PDE3A: variants seen among roughly 807,000 people sequenced by gnomAD.
PDE3A encodes the protein cGMP-inhibited 3',5'-cyclic phosphodiesterase 3A.
Under a neutral mutation model 98.3 loss-of-function variants are expected in PDE3A, and 43 were observed. That is an observed-to-expected ratio of 0.44 (90% confidence interval 0.34 to 0.56). The LOEUF (loss-of-function observed/expected upper bound fraction) is 0.56, where lower values mean the gene tolerates loss of function less well. Among genes scored for constraint, PDE3A ranks in the 20% least tolerant of loss-of-function variants. PDE3A has a pLI of 0.01. For missense variants in PDE3A, 1,427 were observed against 1,440.7 expected (o/e 0.99, Z 0.15); for synonymous variants, 663 against 567.9 (o/e 1.17, Z -2.38).
intron 1 of PDE3A, among the ~76,000 whole-genome samples, chr12:20,477,379 A>G (rs1180309846): frequency 6.6e-6 from 1 of 152,176 alleles, no homozygotes; most frequent in Non-Finnish European, 1.5e-5. Context: ...TATGCCCCTA[A>G]TTATCCTGAG....
chr12:20,574,824 A>T (rs1347435578), intron 2 of PDE3A, among the ~76,000 whole-genome samples: 1 of 152,004 alleles, frequency 6.6e-6, no homozygotes, highest in Non-Finnish European at 1.5e-5. Flanking sequence ...TTTTTCTCCC[A>T]CAAACGGCAA....
chr12:20,594,495 A>G (rs1219117916), intron 2 of PDE3A, among the ~76,000 whole-genome samples: 1 of 151,768 alleles, frequency 6.6e-6, no homozygotes, highest in Admixed American at 6.6e-5. Flanking sequence ...GCCAAGAAGA[A>G]CTGGAGAAAA....
intron 2 of PDE3A, among the ~76,000 whole-genome samples, chr12:20,562,395 T>G (rs1942548792): frequency 6.6e-6 from 1 of 151,982 alleles, no homozygotes; most frequent in East Asian, 1.9e-4. Context: ...AATTTTTGTG[T>G]TTTTAATAGA....
intron 2 of PDE3A, among the ~76,000 whole-genome samples, chr12:20,590,034 C>T (rs1218937106): frequency 6.6e-6 from 1 of 152,038 alleles, no homozygotes; most frequent in African/African-American, 2.4e-5. Flanking sequence ...CAACGTATTA[C>T]ATGGATGTGA....
intron 1 of PDE3A, among the ~76,000 whole-genome samples, chr12:20,477,070 T>G: frequency 6.6e-6 from 1 of 152,264 alleles, no homozygotes; most frequent in Admixed American, 6.5e-5. Context: ...TTCTATCTAC[T>G]TTTATATACT....
rs190367821 is a variant in PDE3A at position 20,483,855 on chromosome 12, C to T, written c.961-72805C>T. 2.5e-3 allele frequency among the ~76,000 whole-genome samples: 376 copies of T among 152,132 alleles called. 1 individual carries two copies. Among genetic ancestry groups the T allele is most frequent in the Non-Finnish European group, 4.0e-3 (273 of 67,982 alleles). ...TTTATCTTCCAGATAAAATTATGAG[C>T]GCAGATGTATAGACATTTAAAATGT... On this transcript the variant is annotated intron_variant, in intron 1 of 15. Coordinates refer to ENST00000359062, the MANE Select transcript of PDE3A (RefSeq NM_000921.5).
At chr12:20,577,366 C>T (rs572798610) in intron 2 of PDE3A, among the ~76,000 whole-genome samples, 60 of 152,170 alleles carry the variant, frequency 3.9e-4, no homozygotes, top group African/African-American at 1.4e-3. Context: ...CTGCTAAGGA[C>T]CTGGGAATTC....
rs11612411 is a variant in PDE3A, at chr12:20,668,054, G to T, written c.3185-11976G>T. On this transcript the variant is annotated intron_variant, in intron 15 of 15. Transcript: ENST00000359062. The stretch of plus-strand genomic sequence containing the variant: ...CACTTGGGAAACGCAAGGGGTCAGG[G>T]AGTTCCCTTTCCCAGTCAAAGAAAG... Among the ~76,000 whole-genome samples, 552 of 152,314 alleles carry T rather than the reference G, an allele frequency of 3.6e-3. 3 individuals are homozygous for T. Among genetic ancestry groups the T allele is most frequent in the Non-Finnish European group, 5.0e-3 (342 of 68,030 alleles).
chr12:20,475,880 C>T (rs1013193673), intron 1 of PDE3A, among the ~76,000 whole-genome samples: 1 of 152,176 alleles, frequency 6.6e-6, no homozygotes, highest in African/African-American at 2.4e-5. Context: ...ATTCTTGGAA[C>T]TTTTGGTGCA....
At chr12:20,546,791 A>G (rs1209064120) in intron 1 of PDE3A, among the ~76,000 whole-genome samples, 1 of 152,090 alleles carries the variant, frequency 6.6e-6, no homozygotes, top group Non-Finnish European at 1.5e-5. Context: ...TCTTTGTGGC[A>G]TGTGGTGCAT....
intron 1 of PDE3A, among the ~76,000 whole-genome samples, chr12:20,529,158 C>T (rs989026731): frequency 2.6e-5 from 4 of 152,088 alleles, no homozygotes; most frequent in Non-Finnish European, 5.9e-5. Flanking sequence ...AGGTCAATTA[C>T]TACATGTATA....
chr12:20,402,257 T>A (rs1944146975), intron 1 of PDE3A, among the ~76,000 whole-genome samples: 1 of 152,156 alleles, frequency 6.6e-6, no homozygotes, highest in Non-Finnish European at 1.5e-5. Flanking sequence ...CAAGCAATTC[T>A]CCTGGCTCAG....
At chr12:20,635,577 CA>C (rs770373365) in intron 8 of PDE3A, among the ~76,000 whole-genome samples, 215 of 120,232 alleles carry the variant, frequency 1.8e-3, no homozygotes, top group Non-Finnish European at 1.7e-3. Context: ...GACTCTGTCT[CA>C]AAAAAAAAAA....
At chr12:20,431,412 T>C (rs549324683) in intron 1 of PDE3A, among the ~76,000 whole-genome samples, 1 of 152,286 alleles carries the variant, frequency 6.6e-6, no homozygotes, top group African/African-American at 2.4e-5. Flanking sequence ...ACACGATGTA[T>C]ATAATGTTGG....
intron 1 of PDE3A, among the ~76,000 whole-genome samples, chr12:20,381,695 A>G (rs777974600): frequency 6.6e-6 from 1 of 151,902 alleles, no homozygotes; most frequent in African/African-American, 2.4e-5. Flanking sequence ...ATTTTCACTT[A>G]TACATGTATG....
At chr12:20,483,613 T>C (rs1317279881) in intron 1 of PDE3A, among the ~76,000 whole-genome samples, 1 of 152,196 alleles carries the variant, frequency 6.6e-6, no homozygotes, top group Non-Finnish European at 1.5e-5. Flanking sequence ...GTAAAGCACA[T>C]GATGTTCCTT....
chr12:20,655,895 A>T (rs1945032022), intron 15 of PDE3A, among the ~76,000 whole-genome samples: 1 of 152,214 alleles, frequency 6.6e-6, no homozygotes, highest in South Asian at 2.1e-4. Context: ...GAACCAGGGC[A>T]GTAGCAACAG....
At chr12:20,553,042 T>G (rs1942259241) in intron 1 of PDE3A, 1 of 1,371,002 alleles carries the variant, frequency 7.3e-7, no homozygotes, top group African/African-American at 1.4e-5. Flanking sequence ...GGCGTTTTGC[T>G]GAAAACGTGT....
At chr12:20,668,091 G>A (rs182744104) in intron 15 of PDE3A, among the ~76,000 whole-genome samples, 1 of 152,160 alleles carries the variant, frequency 6.6e-6, no homozygotes, top group Non-Finnish European at 1.5e-5. Flanking sequence ...GGTGACAGAT[G>A]GCACCTGGAA....
Sources: allele counts gnomAD v4.1 joint callset (sites outside exome capture counted in the v4.1 genomes callset), GRCh38; gene constraint gnomAD v4.1.1; transcripts MANE v1.5; gene names NCBI Gene and HGNC (gene_info 2026-07-23, HGNC 2026-07-21).